Variants in ANKRD16 observed in about 807,000 individuals in gnomAD.
The protein encoded by ANKRD16 is ankyrin repeat domain-containing protein 16.
In ANKRD16, 35 loss-of-function variants were observed where a neutral mutation model predicts 37.9. That is an observed-to-expected ratio of 0.92 (90% CI 0.71 to 1.23). The LOEUF (loss-of-function observed/expected upper bound fraction) is 1.23, where lower values mean the gene tolerates loss of function less well. Among genes scored for constraint, ANKRD16 ranks in the 50% most tolerant of loss-of-function variants. The pLI, the probability that ANKRD16 is intolerant of heterozygous loss-of-function variation, is 0.00. For missense variants in ANKRD16, 480 were observed against 469.9 expected, an observed-to-expected ratio of 1.02 and a Z score of -0.20; for synonymous variants, 206 against 197.2, an observed-to-expected ratio of 1.04 and a Z score of -0.37.
In ANKRD16 at chr10:5,878,009, G is replaced by A; in HGVS notation, c.*33+88C>T. 1 of 1,383,234 alleles carries A rather than the reference G, an allele frequency of 7.2e-7. No homozygotes were observed. Among genetic ancestry groups the A allele is most frequent in the Non-Finnish European group, 9.9e-7 (1 of 1,011,868 alleles). 85.7% of individuals were successfully genotyped at this position (1,383,234 alleles called of 1,614,324 possible). A position where few individuals can be genotyped will look rare whatever the true frequency, so the allele number is the denominator to read the frequency against. On this transcript the variant is annotated intron_variant, in intron 7 of 7. Transcript: ENST00000380094. The surrounding 1 kb of genome is among the most constrained non-coding windows in gnomAD (Gnocchi z 5.1). ...CAGGAGTGGAACATGCAGGATGAGG[G>A]AAGGGAGGAAGTGGAGGAGATGGAA...
intron 7 of ANKRD16, among the ~76,000 whole-genome samples, chr10:5,876,221 T>G (rs1028337472): frequency 6.6e-6 from 1 of 152,080 alleles, no homozygotes; most frequent in Admixed American, 6.6e-5. Flanking sequence ...CATCTCTGGG[T>G]GTTTAGTAGT....
In ANKRD16 at chr10:5,862,532, G is replaced by C. The variant is rs1051880447; in HGVS notation, c.*193C>G. 2 of 1,165,196 alleles carry C rather than the reference G, an allele frequency of 1.7e-6. No individual in the cohort carries two copies. The highest frequency in any genetic ancestry group is 2.3e-6 in the Non-Finnish European group (2 of 879,512). The allele number at this position is 1,165,196 out of a possible 1,614,324, so 72.2% of individuals were successfully genotyped here. A position where few individuals can be genotyped will look rare whatever the true frequency, so the allele number is the denominator to read the frequency against. On this transcript the variant is annotated 3_prime_UTR_variant, in exon 8 of 8. Coordinates refer to ENST00000380094, the MANE Select transcript of ANKRD16 (RefSeq NM_019046.3). The surrounding 1 kb of genome is among the most constrained non-coding windows in gnomAD (Gnocchi z 6.5). ...TGGGGGCCAGTGCAGATGTGGCACT[G>C]ACTTCACCACTGGTACACCTCAGAT... is the stretch of plus-strand genomic sequence containing the variant.
intron 6 of ANKRD16, among the ~76,000 whole-genome samples, chr10:5,879,808 T>C (rs540222956): frequency 1.2e-4 from 19 of 152,310 alleles, no homozygotes; most frequent in African/African-American, 4.1e-4. Context: ...ATAACAATTA[T>C]ATGAAGGCTT....
At chr10:5,888,875 G>C (rs1050530296) in intron 1 of ANKRD16, among the ~76,000 whole-genome samples, 166 bp downstream of exon 1, 3 of 152,244 alleles carry the variant, frequency 2.0e-5, no homozygotes, top group Non-Finnish European at 2.9e-5. Context: ...GGTCATCTGC[G>C]TTATAAGGGA....
At position 5,887,852 on chromosome 10, in the gene ANKRD16, G is replaced by A. The variant is rs879359950; in HGVS notation, c.530C>T (p.Thr177Ile). 3.7e-6 allele frequency: 6 copies of A among 1,613,076 alleles called. No homozygotes were observed. Among genetic ancestry groups the A allele is most frequent in the African/African-American group, 1.3e-5 (1 of 75,054 alleles). ...ESKIRRTPLH[T>I]AAMHGHLEAV... ...TGCAGAGCTGTAGGCTGTACCTGCA[G>A]TATGCAGAGGAGTCCTTCTAATTTT... The change falls in exon 2 of 8, where the codon ACT (threonine) becomes ATT (isoleucine). Residue 177 changes from threonine (T) to isoleucine (I), a missense_variant. By Grantham distance (89) the Thr-to-Ile change is moderately conservative. Coordinates refer to ENST00000380094, the MANE Select transcript of ANKRD16 (RefSeq NM_019046.3).
At chr10:5,877,541 A>C (rs947608729) in intron 7 of ANKRD16, among the ~76,000 whole-genome samples, 1 of 152,246 alleles carries the variant, frequency 6.6e-6, no homozygotes, top group Non-Finnish European at 1.5e-5. Flanking sequence ...AATATATAAA[A>C]GTTTTTATTA....
Position 5,887,885 on chromosome 10 carries a change from G to C in ANKRD16, c.497C>G (p.Thr166Arg). ...AGGAGTCCTTCTAATTTTGCTCTCTGTCTTCCAGGCACCTGGGCAAACAGT... is the reference window on the plus strand; with the variant it reads ...AGGAGTCCTTCTAATTTTGCTCTCTCTCTTCCAGGCACCTGGGCAAACAGT... ...LLTVCPGAWK[T>R]ESKIRRTPLH... The change falls in exon 2 of 8, where the codon ACA becomes AGA. Residue 166 changes from threonine to arginine, a missense_variant. Physicochemically the swap from Thr to Arg is moderately conservative, Grantham distance 71. Transcript: ENST00000380094. 6.2e-7 allele frequency: 1 copy of C among 1,614,160 alleles called. No individual in the cohort carries two copies. Among genetic ancestry groups the C allele is most frequent in the Non-Finnish European group, 8.5e-7 (1 of 1,180,016 alleles).
chr10:5,870,251 C>T lies in ANKRD16; in HGVS notation c.*34-7560G>A, dbSNP rs1381826975. 1.3e-5 allele frequency among the ~76,000 whole-genome samples: 2 copies of T among 152,038 alleles called. No homozygotes were observed. The highest frequency in any genetic ancestry group is 2.9e-5 in the Non-Finnish European group (2 of 68,000). On this transcript the variant is annotated intron_variant, in intron 7 of 7. Coordinates refer to ENST00000380094, the MANE Select transcript of ANKRD16 (RefSeq NM_019046.3). This position sits in a 1 kb window ranked among gnomAD's most constrained non-coding sequence, Gnocchi z 5.0. Reference sequence around the variant, plus strand: ...TGATCTTTGTCCAGCTCCTCACCGACCCCTTCACGGAGGCCCCCAGTGCAC... The same window carrying T: ...TGATCTTTGTCCAGCTCCTCACCGATCCCTTCACGGAGGCCCCCAGTGCAC...
Position 5,866,115 on chromosome 10 carries a change from C to G in ANKRD16, c.*34-3424G>C, listed in dbSNP as rs190535099. Among the ~76,000 whole-genome samples the G allele has an allele frequency of 6.6e-6, 1 of 152,256 alleles. No homozygotes were observed. The highest frequency in any genetic ancestry group is 2.4e-5 in the African/African-American group (1 of 41,544). On this transcript the variant is annotated intron_variant, in intron 7 of 7. Coordinates refer to ENST00000380094, the MANE Select transcript of ANKRD16 (RefSeq NM_019046.3). The surrounding 1 kb of genome is among the most constrained non-coding windows in gnomAD (Gnocchi z 4.3). ...ATGATGTAAATGGCATAATAGGTGC[C>G]AAAGGAAGTTATGGCTATCAGACAA...
In ANKRD16 at chr10:5,873,900, CT is replaced by C. The variant is rs111927757; in HGVS notation, c.*33+4196del. Among the ~76,000 whole-genome samples the C allele has an allele frequency of 3.0e-3, 443 of 146,608 alleles. 2 individuals are homozygous for C. The highest frequency in any genetic ancestry group is 0.01 in the African/African-American group (402 of 39,932). On this transcript the variant is annotated intron_variant, in intron 7 of 7. Transcript: ENST00000380094. ...TTGCATCTCTTTTCAGCGACTTCTGCTTTTTTTTTTTGAGACGGCGTCTCGC... is the reference window on the plus strand; with the variant it reads ...TTGCATCTCTTTTCAGCGACTTCTGCTTTTTTTTTTGAGACGGCGTCTCGC...
rs971023019 is a variant in ANKRD16 at position 5,863,741 on chromosome 10, A to G, written c.*34-1050T>C. ...ACTCACCGTGAGGGTCTGCGGCTTC[A>G]TTCCTGAAGTCAGCAAGACCACAAA... On this transcript the variant is annotated intron_variant, in intron 7 of 7. Transcript: ENST00000380094. The surrounding 1 kb of genome is among the most constrained non-coding windows in gnomAD (Gnocchi z 4.7). Among the ~76,000 whole-genome samples the G allele has an allele frequency of 1.3e-5, 2 of 152,148 alleles. No homozygotes were observed. The highest frequency in any genetic ancestry group is 2.9e-5 in the Non-Finnish European group (2 of 68,028).
intron 7 of ANKRD16, among the ~76,000 whole-genome samples, chr10:5,877,671 A>G (rs1842205019): frequency 6.6e-6 from 1 of 152,246 alleles, no homozygotes; most frequent in South Asian, 2.1e-4. Flanking sequence ...AAATGGGCCA[A>G]CTGCATTTTA....
chr10:5,885,703 A>C lies in ANKRD16; in HGVS notation c.578+20T>G. On this transcript the variant is annotated intron_variant, in intron 3 of 7. Transcript: ENST00000380094. ...TCATAGTTAGCAAATATTTTCCCTG[A>C]CTTGCTGTATTGTTCTTACCTCTTA... The C allele has an allele frequency of 6.2e-7, 1 of 1,613,652 alleles. No individual in the cohort carries two copies. Among genetic ancestry groups the C allele is most frequent in the Non-Finnish European group, 8.5e-7 (1 of 1,179,758 alleles).
Position 5,880,344 on chromosome 10 carries a change from T to C in ANKRD16, c.882A>G (p.Leu294=), listed in dbSNP as rs1456949945. 16 of 1,606,360 alleles carry C rather than the reference T, an allele frequency of 1.0e-5. No homozygotes were observed. The highest frequency in any genetic ancestry group is 2.2e-5 in the East Asian group (1 of 44,648). The change falls in exon 6 of 8, where the codon TTA becomes TTG. Residue 294 remains leucine, a synonymous_variant. Coordinates refer to ENST00000380094, the MANE Select transcript of ANKRD16 (RefSeq NM_019046.3). Reference sequence around the variant, plus strand: ...TAGAATTGATGTCAGCTCCCAAGGATAAGAGAGTCTGAATTGTACTTGTAT... The same window carrying C: ...TAGAATTGATGTCAGCTCCCAAGGACAAGAGAGTCTGAATTGTACTTGTAT... The part of the protein sequence containing the change: ...EGHTSTIQTL[L]SLGADINSKD...
At position 5,865,588 on chromosome 10, in the gene ANKRD16, T is replaced by A. The variant is rs1842001505; in HGVS notation, c.*34-2897A>T. ...CAGCTGTCCTCAAGGTCTGTTACCATCCAAGGAATCCTGGGACAGCCTATA... is the reference window on the plus strand; with the variant it reads ...CAGCTGTCCTCAAGGTCTGTTACCAACCAAGGAATCCTGGGACAGCCTATA... On this transcript the variant is annotated intron_variant, in intron 7 of 7. Coordinates refer to ENST00000380094, the MANE Select transcript of ANKRD16 (RefSeq NM_019046.3). This position sits in a 1 kb window ranked among gnomAD's most constrained non-coding sequence, Gnocchi z 4.7. Among the ~76,000 whole-genome samples, 1 of 152,214 alleles carries A rather than the reference T, an allele frequency of 6.6e-6. No homozygotes were observed. Among genetic ancestry groups the A allele is most frequent in the South Asian group, 2.1e-4 (1 of 4,830 alleles).
At position 5,863,556 on chromosome 10, in the gene ANKRD16, G is replaced by C. The variant is rs2131749964; in HGVS notation, c.*34-865C>G. ...AAATGGACCAATCAGCAGGACGTGG[G>C]CGGGGACAAATAAGAGAATAAAAGC... On this transcript the variant is annotated intron_variant, in intron 7 of 7. Coordinates refer to ENST00000380094, the MANE Select transcript of ANKRD16 (RefSeq NM_019046.3). The surrounding 1 kb of genome is among the most constrained non-coding windows in gnomAD (Gnocchi z 4.7). 6.6e-6 allele frequency among the ~76,000 whole-genome samples: 1 copy of C among 152,238 alleles called. No homozygotes were observed. Among genetic ancestry groups the C allele is most frequent in the South Asian group, 2.1e-4 (1 of 4,804 alleles).
Position 5,883,132 on chromosome 10 carries a change from C to T in ANKRD16, c.723G>A (p.Gln241=), listed in dbSNP as rs145172354. ...CTGTGACAGCTGCCCTGTGCAGAGC[C>T]TGGGCACCCAGGCTGTCTTCTGCTG... ...CLSAEDSLGA[Q]ALHRAAVTGQ... is the part of the protein sequence containing the mutation. The change falls in exon 5 of 8, where the codon CAG becomes CAA. Residue 241 remains glutamine, a synonymous_variant. Transcript: ENST00000380094. 1 of 1,614,004 alleles carries T rather than the reference C, an allele frequency of 6.2e-7. No homozygotes were observed. The highest frequency in any genetic ancestry group is 1.3e-5 in the African/African-American group (1 of 75,048).
chr10:5,880,901 G>A (rs537834536), intron 5 of ANKRD16, among the ~76,000 whole-genome samples: 1 of 151,480 alleles, frequency 6.6e-6, no homozygotes, highest in South Asian at 2.1e-4. Context: ...ACATATATTA[G>A]GCACCTTTTC....
chr10:5,862,299 C>CCA lies in ANKRD16; in HGVS notation c.*424_*425dup, dbSNP rs1841955314. On this transcript the variant is annotated 3_prime_UTR_variant, in exon 8 of 8. Coordinates refer to ENST00000380094, the MANE Select transcript of ANKRD16 (RefSeq NM_019046.3). The surrounding 1 kb of genome is among the most constrained non-coding windows in gnomAD (Gnocchi z 6.5). Reference sequence around the variant, plus strand: ...GACAATCTCATCAGAAGTGGTGCTACCACTGTGTTTCATGTTTTTGTGTTT... The same window carrying CCA: ...GACAATCTCATCAGAAGTGGTGCTACCACACTGTGTTTCATGTTTTTGTGTTT... The CCA allele has an allele frequency of 2.5e-6, 1 of 395,716 alleles. No homozygotes were observed. Among genetic ancestry groups the CCA allele is most frequent in the East Asian group, 6.9e-5 (1 of 14,528 alleles). 24.5% of individuals were successfully genotyped at this position (395,716 alleles called of 1,614,324 possible). A position where few individuals can be genotyped will look rare whatever the true frequency, so the allele number is the denominator to read the frequency against.
Sources: gnomAD v4.1 joint callset for allele counts (sites outside exome capture counted in the v4.1 genomes callset) on GRCh38, gnomAD v4.1.1 for gene constraint, Gnocchi (gnomAD v3.1) non-coding constraint, MANE v1.5 for transcripts, NCBI Gene and HGNC (gene_info 2026-07-23, HGNC 2026-07-21) for gene names.